Variants in SEC22C observed in about 807,000 individuals in gnomAD.
SEC22C encodes the protein vesicle-trafficking protein SEC22c.
Under a neutral mutation model 34.7 loss-of-function variants are expected in SEC22C, and 29 were observed. The observed-to-expected ratio is 0.84, with a 90% CI of 0.62 to 1.14. SEC22C has a LOEUF of 1.14. SEC22C is among the 50% of genes most tolerant of loss of function. The pLI, the probability that SEC22C is intolerant of heterozygous loss-of-function variation, is 0.00. For synonymous variants in SEC22C, 117 were observed against 132.8 expected, an observed-to-expected ratio of 0.88 and a Z score of 0.82; for missense variants, 337 against 369.0, an observed-to-expected ratio of 0.91 and a Z score of 0.71.
At chr3:42,566,665 C>T (rs1426501471) in intron 2 of SEC22C, 4 of 167,606 alleles carry the variant, frequency 2.4e-5, no homozygotes, top group African/African-American at 5.5e-5. Flanking sequence ...GGCGACAGAG[C>T]GAGACTCCGT....
intron 4 of SEC22C, among the ~76,000 whole-genome samples, chr3:42,560,516 GAAAAA>G (rs758397738): frequency 9.6e-5 from 11 of 115,046 alleles, no homozygotes; most frequent in Non-Finnish European, 1.7e-4. Context: ...GTCTCTATTT[GAAAAA>G]AAAAAAAAGA....
At chr3:42,584,760 A>C (rs139485027), upstream of SEC22C, among the ~76,000 whole-genome samples, 58 of 152,328 alleles carry the variant, frequency 3.8e-4, no homozygotes, top group Middle Eastern at 3.4e-3. Context: ...AGGTCATAAC[A>C]GGCACAAAGA....
chr3:42,568,554 G>A (rs1382727466), intron 2 of SEC22C, among the ~76,000 whole-genome samples: 15 of 151,370 alleles, frequency 9.9e-5, no homozygotes, highest in South Asian at 8.3e-4. Flanking sequence ...GCTGAGGCAC[G>A]AGAACTGCTT....
Position 42,590,917 on chromosome 3 carries a change from C to G in SEC22C, c.-28+10043G>C, listed in dbSNP as rs1704802109. 4 of 1,394,598 alleles carry G rather than the reference C, an allele frequency of 2.9e-6. No individual in the cohort carries two copies. The East Asian group carries it at 1.6e-4, about 56-fold the overall frequency. 86.4% of individuals were successfully genotyped at this position (1,394,598 alleles called of 1,614,324 possible). A position where few individuals can be genotyped will look rare whatever the true frequency, so the allele number is the denominator to read the frequency against. The stretch of plus-strand genomic sequence containing the variant: ...CTCGGGATGTCGGTGGCCTTCGTAC[C>G]GGACTGGCTGAGGGGCAAGGCGGAA... On this transcript the variant is annotated intron_variant, in intron 1 of 6. Coordinates refer to the SEC22C transcript ENST00000417572.
intron 1 of SEC22C, chr3:42,600,432 G>A (rs958558699): frequency 5.9e-5 from 9 of 152,444 alleles, no homozygotes; most frequent in Non-Finnish European, 1.5e-5. Flanking sequence ...GAGGGCGCAG[G>A]CGCATCCACG....
chr3:42,600,880 C>G, intron 1 of SEC22C: 1 of 661,212 alleles, frequency 1.5e-6, no homozygotes, highest in Non-Finnish European at 2.3e-6. Context: ...GACGGGCCGG[C>G]GTGAGGCACC....
chr3:42,553,470 A>G (rs956619151), intron 6 of SEC22C, 22 bp from the exon 7 acceptor site: 4 of 1,607,980 alleles, frequency 2.5e-6, no homozygotes, highest in Non-Finnish European at 3.4e-6. Flanking sequence ...CCAGAAGAGG[A>G]ATTCCAATCA....
chr3:42,567,607 G>A (rs1703330230), intron 2 of SEC22C, among the ~76,000 whole-genome samples: 1 of 152,124 alleles, frequency 6.6e-6, no homozygotes, highest in Non-Finnish European at 1.5e-5. Context: ...ATCAGTTATT[G>A]TAACCAGGAT....
Position 42,553,173 on chromosome 3 carries a change from G to A in SEC22C, c.*75C>T. On this transcript the variant is annotated 3_prime_UTR_variant, in exon 7 of 7. Transcript: ENST00000264454. ...AAAAGGATGGAAACTGGAGTGTAAAGTAGAGAAGCAGAAAGAGAAACATAG... is the reference window on the plus strand; with the variant it reads ...AAAAGGATGGAAACTGGAGTGTAAAATAGAGAAGCAGAAAGAGAAACATAG... 3 of 1,574,124 alleles carry A rather than the reference G, an allele frequency of 1.9e-6. No individual in the cohort carries two copies. The highest frequency in any genetic ancestry group is 2.6e-6 in the Non-Finnish European group (3 of 1,165,096).
Position 42,555,915 on chromosome 3 carries a change from T to C in SEC22C, c.711+15A>G. ...CATGGATTTAATCCACTGACCAAAA[T>C]ATCGTTTCACCCACCTGGAAAATGC... On this transcript the variant is annotated intron_variant, in intron 6 of 6. Transcript: ENST00000264454. The C allele has an allele frequency of 1.9e-6, 3 of 1,606,236 alleles. No homozygotes were observed. Among genetic ancestry groups the C allele is most frequent in the Non-Finnish European group, 2.6e-6 (3 of 1,173,208 alleles).
chr3:42,573,457 TGA>T (rs911045491), intron 1 of SEC22C: 1 of 152,194 alleles, frequency 6.6e-6, no homozygotes, highest in African/African-American at 2.4e-5. Flanking sequence ...TCCGGGAGGC[TGA>T]GATGGCAGTG....
At chr3:42,591,734 C>G (rs1467190077) in intron 1 of SEC22C, 2 of 696,600 alleles carry the variant, frequency 2.9e-6, no homozygotes, top group African/African-American at 3.5e-5. Flanking sequence ...GAAAGAGAGG[C>G]TCAAAGAGTT....
chr3:42,581,689 A>C (rs1424965912), intron 1 of SEC22C, among the ~76,000 whole-genome samples, 157 bp downstream of exon 1: 1 of 152,248 alleles, frequency 6.6e-6, no homozygotes, highest in African/African-American at 2.4e-5. Context: ...CAAGAAGCCC[A>C]GTGAAGCCCC....
Position 42,553,350 on chromosome 3 carries a change from C to T in SEC22C, c.810G>A (p.Arg270=). The T allele has an allele frequency of 6.2e-7, 1 of 1,614,142 alleles. No homozygotes were observed. Among genetic ancestry groups the T allele is most frequent in the Non-Finnish European group, 8.5e-7 (1 of 1,180,020 alleles). The stretch of plus-strand genomic sequence containing the variant: ...TGTGGAAAAGGATTTGCCAGAGGTT[C>T]CTCAGCCCGTGCAGGTACATGTTGC... ...CLGNMYLHGL[R]NLWQILFHIG... The change falls in exon 7 of 7, where the codon AGG becomes AGA. Residue 270 remains arginine, a synonymous_variant. Transcript: ENST00000264454.
At chr3:42,571,895 T>C (rs1021857696) in intron 1 of SEC22C, among the ~76,000 whole-genome samples, 2 of 152,126 alleles carry the variant, frequency 1.3e-5, no homozygotes, top group African/African-American at 2.4e-5. Flanking sequence ...TAGCCGGGCG[T>C]GGTGGCACAC....
chr3:42,589,539 T>C (rs1410491865), intron 1 of SEC22C, among the ~76,000 whole-genome samples: 1 of 152,114 alleles, frequency 6.6e-6, no homozygotes, highest in Non-Finnish European at 1.5e-5. Flanking sequence ...CGGTACCGCA[T>C]AGCAGGAGGT....
chr3:42,550,122 C>T lies in SEC22C; in HGVS notation c.*3126G>A. 3 of 985,464 alleles carry T rather than the reference C, an allele frequency of 3.0e-6. No homozygotes were observed. The highest frequency in any genetic ancestry group is 3.6e-6 in the Non-Finnish European group (3 of 829,952). The allele number at this position is 985,464 out of a possible 1,614,324, so 61.0% of individuals were successfully genotyped here. On this transcript the variant is annotated 3_prime_UTR_variant, in exon 7 of 7. Transcript: ENST00000264454. ...GGGCTCTGGCCCCGTGGTTGGGAAA[C>T]CCTTCCTAAGAGCATGGAGCCACAC...
chr3:42,583,507 C>G (rs1449199848), upstream of SEC22C, among the ~76,000 whole-genome samples: 1 of 152,150 alleles, frequency 6.6e-6, no homozygotes, highest in Non-Finnish European at 1.5e-5. Context: ...TGAGCTCCAT[C>G]TTAGACAAGT....
Position 42,548,667 on chromosome 3 carries a change from A to G in SEC22C, c.*4581T>C. The G allele has an allele frequency of 6.2e-7, 1 of 1,614,086 alleles. No individual in the cohort carries two copies. The highest frequency in any genetic ancestry group is 8.5e-7 in the Non-Finnish European group (1 of 1,180,040). ...ACCAGCTCCTTGGATCCTGGAATAA[A>G]CCAAACATCAATGGTACCATGCGCT... On this transcript the variant is annotated 3_prime_UTR_variant, in exon 7 of 7. Coordinates refer to ENST00000264454, the MANE Select transcript of SEC22C (RefSeq NM_032970.4).
Sources: gnomAD v4.1 joint callset for allele counts (sites outside exome capture counted in the v4.1 genomes callset) on GRCh38, gnomAD v4.1.1 for gene constraint, MANE v1.5 for transcripts, NCBI Gene and HGNC (gene_info 2026-07-23, HGNC 2026-07-21) for gene names.